SERGEF: variants seen among roughly 807,000 people sequenced by gnomAD.
SERGEF encodes secretion-regulating guanine nucleotide exchange factor.
A neutral mutation model predicts 50.0 loss-of-function variants in SERGEF; 51 were observed. The ratio of observed to expected loss-of-function variants is 1.02; its 90% CI spans 0.81 to 1.29. The LOEUF is 1.29. Among genes scored for constraint, SERGEF ranks in the 50% most tolerant of loss-of-function variants. SERGEF has a pLI of 0.00. For missense variants in SERGEF, 521 were observed against 557.0 expected (o/e 0.94, Z 0.65); for synonymous variants, 205 against 212.4 (o/e 0.97, Z 0.30).
At chr11:18,007,017 T>C (rs915814394) in intron 2 of SERGEF, among the ~76,000 whole-genome samples, 9 of 152,236 alleles carry the variant, frequency 5.9e-5, no homozygotes, top group Non-Finnish European at 1.0e-4. Flanking sequence ...GCCAACAACA[T>C]TTATTCAACA....
intron 9 of SERGEF, among the ~76,000 whole-genome samples, chr11:17,926,462 C>G (rs1446432620): frequency 6.6e-6 from 1 of 152,164 alleles, no homozygotes; most frequent in African/African-American, 2.4e-5. Flanking sequence ...GTGCCTGGCT[C>G]CACGTCCACA....
intron 10 of SERGEF, among the ~76,000 whole-genome samples, chr11:17,804,341 A>T (rs911909670): frequency 2.0e-5 from 3 of 152,180 alleles, no homozygotes; most frequent in Non-Finnish European, 4.4e-5. Flanking sequence ...TGGAGCAGGG[A>T]TGAAAGGCTC....
chr11:17,809,898 A>G (rs1849836193), intron 10 of SERGEF, among the ~76,000 whole-genome samples: 1 of 152,210 alleles, frequency 6.6e-6, no homozygotes, highest in Admixed American at 6.5e-5. Context: ...CCCTGAGTTC[A>G]GGAAAACATT....
intron 9 of SERGEF, among the ~76,000 whole-genome samples, chr11:17,903,248 G>A (rs1174133944): frequency 6.6e-6 from 1 of 152,184 alleles, no homozygotes; most frequent in African/African-American, 2.4e-5. Flanking sequence ...CCTGGACTGT[G>A]ACTCACTGCG....
chr11:17,917,335 A>C (rs894654622), intron 9 of SERGEF, among the ~76,000 whole-genome samples: 1 of 152,262 alleles, frequency 6.6e-6, no homozygotes, highest in Non-Finnish European at 1.5e-5. Context: ...CAAACATTGT[A>C]TGTTCTCACT....
In SERGEF at chr11:17,896,819, G is replaced by A. The variant is rs1196130857; in HGVS notation, c.1012-18575C>T. Among the ~76,000 whole-genome samples the A allele has an allele frequency of 1.7e-3, 161 of 96,252 alleles. 28 individuals carry two copies. The highest frequency in any genetic ancestry group is 2.9e-3 in the Non-Finnish European group (136 of 46,696). The allele number at this position is 96,252 out of a possible 152,430, so 63.1% of individuals were successfully genotyped here. Reference sequence around the variant, plus strand: ...AAGGGAAGGGTAAGGGAAGGGTAAGGGAAGGGTAACGGAAGGGTAAGGGAA... The same window carrying A: ...AAGGGAAGGGTAAGGGAAGGGTAAGAGAAGGGTAACGGAAGGGTAAGGGAA... On this transcript the variant is annotated intron_variant, in intron 9 of 10. Transcript: ENST00000265965.
intron 10 of SERGEF, among the ~76,000 whole-genome samples, chr11:17,813,372 G>A (rs1213310758): frequency 6.6e-6 from 1 of 152,186 alleles, no homozygotes; most frequent in Admixed American, 6.5e-5. Flanking sequence ...GGGAGACAGT[G>A]GCAAAGCAGG....
intron 5 of SERGEF, chr11:17,999,506 T>C (rs1227134123): frequency 4.4e-6 from 2 of 451,034 alleles, no homozygotes; most frequent in African/African-American, 4.0e-5. Flanking sequence ...CCTCTCTCCT[T>C]CCTCCACTCC....
chr11:17,959,331 G>A, intron 9 of SERGEF, 139 bp downstream of exon 9: 1 of 709,534 alleles, frequency 1.4e-6, no homozygotes, highest in Non-Finnish European at 2.3e-6. Context: ...TAAAGCATGA[G>A]CTCCTTAGGG....
chr11:17,869,612 A>G (rs1395785380), intron 10 of SERGEF, among the ~76,000 whole-genome samples: 14 of 152,160 alleles, frequency 9.2e-5, no homozygotes, highest in Admixed American at 8.5e-4. Context: ...GACCTCTTTT[A>G]TAAGGGTACT....
At chr11:18,006,173 T>A (rs1427223067) in intron 3 of SERGEF, among the ~76,000 whole-genome samples, 1 of 152,212 alleles carries the variant, frequency 6.6e-6, no homozygotes, top group African/African-American at 2.4e-5. Flanking sequence ...TTTTTATTTA[T>A]TCTGAGATGG....
At chr11:17,788,439 T>C (rs749041604) in intron 10 of SERGEF, 26 bp from the exon 11 acceptor site, 2 of 1,568,836 alleles carry the variant, frequency 1.3e-6, no homozygotes, top group South Asian at 2.3e-5. Flanking sequence ...AAGACTGCTG[T>C]AGAAGAGGTT....
At chr11:17,805,375 C>G (rs775610184) in intron 10 of SERGEF, among the ~76,000 whole-genome samples, 2 of 152,148 alleles carry the variant, frequency 1.3e-5, no homozygotes, top group Non-Finnish European at 2.9e-5. Context: ...CCCAATATAC[C>G]CAGGCTGTAA....
At position 17,788,231 on chromosome 11, in the gene SERGEF, C is replaced by T. The variant is rs147553101; in HGVS notation, c.1231G>A (p.Asp411Asn). The change falls in exon 11 of 11, where the codon GAC (aspartate) becomes AAC (asparagine). Residue 411 changes from aspartate (D) to asparagine (N), a missense_variant. Asp to Asn is a conservative substitution (Grantham distance 23). Coordinates refer to ENST00000265965, the MANE Select transcript of SERGEF (RefSeq NM_012139.4). The stretch of plus-strand genomic sequence containing the variant: ...GGGGAAAGGTAGGTGACCTTGGGGT[C>T]CTGGACCAATGCAGGGTGAGCTGGC... ...QLPAHPALVQDPKVTYLSPDA... is the reference protein window; with the variant it reads ...QLPAHPALVQNPKVTYLSPDA... 2.5e-6 allele frequency: 4 copies of T among 1,613,650 alleles called. No homozygotes were observed. The African/African-American group carries it at 5.3e-5, about 22-fold the overall frequency.
Position 17,951,925 on chromosome 11 carries a change from C to G in SERGEF, c.1011+7545G>C, listed in dbSNP as rs1421574186. Among the ~76,000 whole-genome samples, 5 of 152,238 alleles carry G rather than the reference C, an allele frequency of 3.3e-5. No homozygotes were observed. The South Asian group carries it at 8.3e-4, about 25-fold the overall frequency. Reference sequence around the variant, plus strand: ...AGTCACCTGACAGTGCTGGAAGAACCCATTACAGAGTAAAGTGAACTAGTC... The same window carrying G: ...AGTCACCTGACAGTGCTGGAAGAACGCATTACAGAGTAAAGTGAACTAGTC... On this transcript the variant is annotated intron_variant, in intron 9 of 10. Transcript: ENST00000265965.
At chr11:17,865,447 T>C (rs1851003856) in intron 10 of SERGEF, among the ~76,000 whole-genome samples, 1 of 152,102 alleles carries the variant, frequency 6.6e-6, no homozygotes, top group Non-Finnish European at 1.5e-5. Context: ...CTTCAGGAGA[T>C]ATTACAGAAG....
At chr11:17,855,580 T>C (rs1311371083) in intron 10 of SERGEF, 1 of 152,230 alleles carries the variant, frequency 6.6e-6, no homozygotes, top group East Asian at 1.9e-4. Context: ...AGATGATTCA[T>C]GTTCTGGGTG....
chr11:17,893,677 T>C (rs973949789), intron 9 of SERGEF, among the ~76,000 whole-genome samples: 1 of 152,190 alleles, frequency 6.6e-6, no homozygotes, highest in Non-Finnish European at 1.5e-5. Flanking sequence ...CAGAAAGATC[T>C]TGTGTATATG....
intron 9 of SERGEF, among the ~76,000 whole-genome samples, chr11:17,946,785 G>A (rs992664516): frequency 6.6e-6 from 1 of 152,160 alleles, no homozygotes; most frequent in African/African-American, 2.4e-5. Context: ...TGCCCCTCAT[G>A]CTGAGACTAC....
Sources: allele counts gnomAD v4.1 joint callset (sites outside exome capture counted in the v4.1 genomes callset), GRCh38; gene constraint gnomAD v4.1.1; transcripts MANE v1.5; gene names NCBI Gene and HGNC (gene_info 2026-07-23, HGNC 2026-07-21).